Variants in MAP2 observed in about 807,000 individuals in gnomAD.
MAP2 encodes microtubule-associated protein 2.
A neutral mutation model predicts 137.6 loss-of-function variants in MAP2; 14 were observed. The ratio of observed to expected loss-of-function variants is 0.10; its 90% CI spans 0.07 to 0.16. The LOEUF is 0.16. Among genes scored for constraint, MAP2 ranks in the 10% least tolerant of loss-of-function variants. The pLI is 1.00. For synonymous variants in MAP2, 786 were observed against 782.3 expected (o/e 1.00, Z -0.08); for missense variants, 2,088 against 2,191.5 (o/e 0.95, Z 0.94).
At chr2:209,635,795 A>G (rs2093504052) in intron 4 of MAP2, among the ~76,000 whole-genome samples, 2 of 152,128 alleles carry the variant, frequency 1.3e-5, no homozygotes, top group Non-Finnish European at 2.9e-5. Context: ...GAAAGTTAAA[A>G]CGCATTTTCT....
At chr2:209,670,439 TC>T (rs2048315544) in intron 5 of MAP2, among the ~76,000 whole-genome samples, 1 of 151,992 alleles carries the variant, frequency 6.6e-6, no homozygotes, top group Non-Finnish European at 1.5e-5. Context: ...AGCAAAATTT[TC>T]CAGTAGGTAC....
intron 1 of MAP2, among the ~76,000 whole-genome samples, chr2:209,427,916 A>G (rs1693023297): frequency 6.6e-6 from 1 of 152,134 alleles, no homozygotes; most frequent in Admixed American, 6.5e-5. Flanking sequence ...CATGTAGGGT[A>G]GAGATGAGCC....
chr2:209,598,365 A>G (rs2081951566), intron 3 of MAP2, among the ~76,000 whole-genome samples: 1 of 152,136 alleles, frequency 6.6e-6, no homozygotes. Flanking sequence ...GGTACAGAAT[A>G]GGTGCTCAGA....
chr2:209,524,049 A>G (rs564724138), intron 2 of MAP2, among the ~76,000 whole-genome samples: 23 of 151,060 alleles, frequency 1.5e-4, no homozygotes, highest in Admixed American at 6.6e-4. Flanking sequence ...TTTTTTTTTT[A>G]TTAAATGCAG....
chr2:209,462,355 C>T (rs554967078), intron 1 of MAP2, among the ~76,000 whole-genome samples: 9 of 152,208 alleles, frequency 5.9e-5, no homozygotes, highest in Admixed American at 1.3e-4. Context: ...AAGTGAGCCA[C>T]GTGTAAAAAG....
At chr2:209,673,116 A>G (rs906902025) in intron 5 of MAP2, among the ~76,000 whole-genome samples, 2 of 151,870 alleles carry the variant, frequency 1.3e-5, no homozygotes, top group African/African-American at 4.8e-5. Context: ...GTGATCTGCT[A>G]TCATCTATTG....
chr2:209,474,457 G>A (rs1706645899), intron 1 of MAP2, among the ~76,000 whole-genome samples: 1 of 152,160 alleles, frequency 6.6e-6, no homozygotes, highest in African/African-American at 2.4e-5. Context: ...CAGGAACAAT[G>A]CACAGTCTAT....
At chr2:209,666,558 T>C (rs2046388241) in intron 5 of MAP2, among the ~76,000 whole-genome samples, 2 of 152,104 alleles carry the variant, frequency 1.3e-5, no homozygotes, top group South Asian at 4.1e-4. Flanking sequence ...TGAAATGCTC[T>C]GCAGACCACA....
intron 1 of MAP2, among the ~76,000 whole-genome samples, chr2:209,439,841 A>G (rs1697317926): frequency 6.6e-6 from 1 of 151,504 alleles, no homozygotes; most frequent in Non-Finnish European, 1.5e-5. Context: ...TACAACATGA[A>G]TAGATATAGA....
chr2:209,690,651 C>T (rs762188758), intron 7 of MAP2: 25 of 1,289,380 alleles, frequency 1.9e-5, no homozygotes, highest in Non-Finnish European at 2.3e-5. Flanking sequence ...AAACCTGCTG[C>T]TCTTCCTGAG....
intron 5 of MAP2, among the ~76,000 whole-genome samples, chr2:209,670,548 ATT>A (rs1036196629): frequency 7.9e-5 from 12 of 151,894 alleles, no homozygotes; most frequent in African/African-American, 2.9e-4. Flanking sequence ...AATTTACTAC[ATT>A]TTCCTCCTTG....
intron 3 of MAP2, among the ~76,000 whole-genome samples, chr2:209,613,247 CTATTTT>C (rs2087651340): frequency 7.5e-6 from 1 of 133,692 alleles, no homozygotes; most frequent in African/African-American, 3.9e-5. Context: ...TTTTTTATTT[CTATTTT>C]TATTTATTTA....
intron 11 of MAP2, chr2:209,704,551 C>T: frequency 6.2e-7 from 1 of 1,612,792 alleles, no homozygotes. Context: ...CATTTTCTGA[C>T]AGTTTATTAA....
intron 1 of MAP2, among the ~76,000 whole-genome samples, chr2:209,503,491 G>T (rs569126152): frequency 4.6e-5 from 7 of 152,148 alleles, no homozygotes; most frequent in African/African-American, 1.7e-4. Flanking sequence ...CAAAGTCAAT[G>T]TCAAGAAGCT....
intron 1 of MAP2, among the ~76,000 whole-genome samples, chr2:209,484,960 A>G (rs2058192918): frequency 6.6e-6 from 1 of 152,222 alleles, no homozygotes; most frequent in Non-Finnish European, 1.5e-5. Flanking sequence ...TCGGGCCGAT[A>G]GAAACGCGAT....
intron 1 of MAP2, among the ~76,000 whole-genome samples, chr2:209,491,007 G>C (rs1413100760): frequency 1.3e-5 from 2 of 152,082 alleles, no homozygotes; most frequent in Non-Finnish European, 2.9e-5. Flanking sequence ...ATTCTTCTCA[G>C]CACCACATAG....
chr2:209,728,907 G>T (rs186894155), intron 14 of MAP2, among the ~76,000 whole-genome samples: 5 of 152,302 alleles, frequency 3.3e-5, no homozygotes, highest in Non-Finnish European at 5.9e-5. Flanking sequence ...TAAAGTGAAA[G>T]CAAATCTCTT....
At chr2:209,691,146 C>CG (rs1380876991) in intron 7 of MAP2, among the ~76,000 whole-genome samples, 1 of 151,200 alleles carries the variant, frequency 6.6e-6, no homozygotes, top group African/African-American at 2.4e-5. Context: ...TACCCGCCCC[C>CG]CCTCATCTCA....
At chr2:209,663,250 C>T (rs1269095656) in intron 5 of MAP2, among the ~76,000 whole-genome samples, 2 of 152,084 alleles carry the variant, frequency 1.3e-5, no homozygotes, top group African/African-American at 2.4e-5. Context: ...ACATAAAGCA[C>T]GTGCTTTGAC....
Sources: allele counts gnomAD v4.1 joint callset (sites outside exome capture counted in the v4.1 genomes callset), GRCh38; gene constraint gnomAD v4.1.1; transcripts MANE v1.5; gene names NCBI Gene and HGNC (gene_info 2026-07-23, HGNC 2026-07-21).